The following BANP variants were observed in gnomAD, a reference collection of about 807,000 sequenced individuals.
The protein encoded by BANP is protein BANP.
A neutral mutation model predicts 68.1 loss-of-function variants in BANP; 11 were observed. That is an observed-to-expected ratio of 0.16 (90% CI 0.10 to 0.27). The LOEUF is 0.27. Ranked by LOEUF, BANP falls within the 10% of genes least tolerant of loss-of-function variation. The pLI is 1.00. For synonymous variants in BANP, 329 were observed against 303.2 expected (o/e 1.09, Z -0.88); for missense variants, 504 against 722.7 (o/e 0.70, Z 3.47).
Position 88,076,795 on chromosome 16 carries a change from C to T in BANP, c.*134C>T, listed in dbSNP as rs974099533. 2 of 702,198 alleles carry T rather than the reference C, an allele frequency of 2.8e-6. No individual in the cohort carries two copies. The highest frequency in any genetic ancestry group is 1.8e-5 in the African/African-American group (1 of 55,310). The allele number at this position is 702,198 out of a possible 1,614,324, so 43.5% of individuals were successfully genotyped here. A position where few individuals can be genotyped will look rare whatever the true frequency, so the allele number is the denominator to read the frequency against. On this transcript the variant is annotated 3_prime_UTR_variant, in exon 14 of 14. Transcript: ENST00000682872. The stretch of plus-strand genomic sequence containing the variant: ...GAAGTGCGTCTGAAGGCCGCTGCCT[C>T]CGCGGGGAACAGCATCCTATCAACT...
At chr16:88,059,004 C>T (rs1396590108) in intron 11 of BANP, among the ~76,000 whole-genome samples, 2 of 152,020 alleles carry the variant, frequency 1.3e-5, no homozygotes, top group African/African-American at 2.4e-5. Flanking sequence ...GTGTCCCTCA[C>T]GCCCAGTGTG....
At chr16:87,991,842 CCTATAGAATTT>C (rs2065959744) in intron 4 of BANP, among the ~76,000 whole-genome samples, 2 of 152,096 alleles carry the variant, frequency 1.3e-5, no homozygotes, top group African/African-American at 4.8e-5. Context: ...TTTGCTTCTT[CCTATAGAATTT>C]CTATACCTTC....
Position 87,958,162 on chromosome 16 carries a change from C to T in BANP, c.-69+6647C>T, listed in dbSNP as rs116949502. ...GGTGTAGGTCATGTTAGGTGGTGGTCCTTGGTCGTTTGTGCCACGTTCCCT... is the reference window on the plus strand; with the variant it reads ...GGTGTAGGTCATGTTAGGTGGTGGTTCTTGGTCGTTTGTGCCACGTTCCCT... On this transcript the variant is annotated intron_variant, in intron 1 of 13. Coordinates refer to ENST00000682872, the MANE Select transcript of BANP (RefSeq NM_001386991.1). Among the ~76,000 whole-genome samples, 24 of 151,766 alleles carry T rather than the reference C, an allele frequency of 1.6e-4. No individual in the cohort carries two copies. The East Asian group carries it at 3.9e-3, about 25-fold the overall frequency.
At chr16:87,956,258 T>G (rs2144634126) in intron 1 of BANP, among the ~76,000 whole-genome samples, 1 of 152,338 alleles carries the variant, frequency 6.6e-6, no homozygotes, top group Non-Finnish European at 1.5e-5. Context: ...CTAGAGAAAC[T>G]AAACATTTCC....
At chr16:87,978,043 C>A (rs1379925562) in intron 2 of BANP, among the ~76,000 whole-genome samples, 3 of 152,176 alleles carry the variant, frequency 2.0e-5, no homozygotes, top group African/African-American at 7.2e-5. Flanking sequence ...ACCATGTTGG[C>A]CAGGCTGGTC....
chr16:88,072,975 GCTC>G (rs1215111199), intron 13 of BANP, among the ~76,000 whole-genome samples: 1 of 152,220 alleles, frequency 6.6e-6, no homozygotes, highest in African/African-American at 2.4e-5. Context: ...GGTCTGTTCC[GCTC>G]CTTTCTGTGG....
chr16:88,015,977 C>A (rs532949620), intron 6 of BANP, among the ~76,000 whole-genome samples: 1 of 152,148 alleles, frequency 6.6e-6, no homozygotes, highest in African/African-American at 2.4e-5. Context: ...TTTGGGAGTC[C>A]GGGGACCTTG....
At chr16:88,027,205 C>T (rs972194972) in intron 7 of BANP, among the ~76,000 whole-genome samples, 1 of 152,054 alleles carries the variant, frequency 6.6e-6, no homozygotes, top group African/African-American at 2.4e-5. Flanking sequence ...TGGTGTGGGC[C>T]GACCGAGTCA....
chr16:88,053,964 C>T (rs376122770), intron 11 of BANP, among the ~76,000 whole-genome samples: 1,480 of 97,350 alleles, frequency 0.015, 390 homozygotes, highest in Non-Finnish European at 0.03. Context: ...CCCTAACAGC[C>T]ACTCCCACCT....
At chr16:88,062,578 C>G (rs1245949244) in intron 11 of BANP, among the ~76,000 whole-genome samples, 3 of 152,334 alleles carry the variant, frequency 2.0e-5, no homozygotes, top group African/African-American at 4.8e-5. Flanking sequence ...TGTCCCCAAC[C>G]AAGCCTCTCT....
In BANP at chr16:87,972,116, A is replaced by G. The variant is rs181541757; in HGVS notation, c.-68-2932A>G. On this transcript the variant is annotated intron_variant, in intron 1 of 13. Coordinates refer to ENST00000682872, the MANE Select transcript of BANP (RefSeq NM_001386991.1). ...CCAGTTTTCATCTTTAGCATCTCCTATTATACATATGTTGGGTCTTCTTTT... is the reference window on the plus strand; with the variant it reads ...CCAGTTTTCATCTTTAGCATCTCCTGTTATACATATGTTGGGTCTTCTTTT... Among the ~76,000 whole-genome samples the G allele has an allele frequency of 6.6e-5, 10 of 152,190 alleles. No individual in the cohort carries two copies. In the East Asian group the frequency reaches 9.7e-4, roughly 15 times the overall value.
chr16:87,973,611 T>C (rs867869267), intron 1 of BANP, among the ~76,000 whole-genome samples: 5 of 151,872 alleles, frequency 3.3e-5, no homozygotes, highest in Non-Finnish European at 5.9e-5. Context: ...AATAGAAAAT[T>C]AGCTGGGTGT....
intron 2 of BANP, among the ~76,000 whole-genome samples, chr16:87,977,680 G>T (rs1232252400): frequency 2.0e-5 from 3 of 152,164 alleles, no homozygotes; most frequent in Non-Finnish European, 4.4e-5. Context: ...AATTGTTGAC[G>T]TGTATGTCTT....
At chr16:88,007,852 C>G (rs1567734011) in intron 6 of BANP, among the ~76,000 whole-genome samples, 1 of 147,492 alleles carries the variant, frequency 6.8e-6, no homozygotes, top group Non-Finnish European at 1.5e-5. Flanking sequence ...TTGAGTTGAT[C>G]TTTTTTTTTT....
chr16:88,063,375 G>A (rs187908448), intron 11 of BANP, among the ~76,000 whole-genome samples: 6 of 152,184 alleles, frequency 3.9e-5, no homozygotes, highest in African/African-American at 2.4e-5. Context: ...GCCCTTCCAC[G>A]TGGCCCGGCT....
At chr16:87,952,412 C>T (rs1003390691) in intron 1 of BANP, 6 of 152,214 alleles carry the variant, frequency 3.9e-5, no homozygotes, top group African/African-American at 1.4e-4. Context: ...TGATGTGGAA[C>T]AGGTAATTGC....
intron 1 of BANP, among the ~76,000 whole-genome samples, chr16:87,971,792 C>T (rs1331798489): frequency 6.6e-6 from 1 of 151,894 alleles, no homozygotes; most frequent in African/African-American, 2.4e-5. Context: ...CATTTCATTG[C>T]TTTAGTTTTC....
intron 7 of BANP, among the ~76,000 whole-genome samples, chr16:88,022,493 C>G (rs114716043): frequency 0.017 from 2,542 of 152,330 alleles, 62 homozygotes; most frequent in African/African-American, 0.054. Flanking sequence ...AAATCATTCA[C>G]TCCAAGCCCC....
At chr16:88,034,534 T>G (rs1428584765) in intron 9 of BANP, among the ~76,000 whole-genome samples, 2 of 152,206 alleles carry the variant, frequency 1.3e-5, no homozygotes, top group African/African-American at 2.4e-5. Flanking sequence ...TATGAGTGTT[T>G]CTTTGATTTG....
Sources: gnomAD v4.1 joint callset for allele counts (sites outside exome capture counted in the v4.1 genomes callset) on GRCh38, gnomAD v4.1.1 for gene constraint, MANE v1.5 for transcripts, NCBI Gene and HGNC (gene_info 2026-07-23, HGNC 2026-07-21) for gene names.